The following TIPARP variants were observed in gnomAD, a reference collection of about 807,000 sequenced individuals.
TIPARP encodes protein mono-ADP-ribosyltransferase TIPARP.
Under a neutral mutation model 56.5 loss-of-function variants are expected in TIPARP, and 12 were observed. The ratio of observed to expected loss-of-function variants is 0.21; its 90% CI spans 0.14 to 0.34. The LOEUF is 0.34. TIPARP is among the 10% of genes least tolerant of loss of function. The probability of loss-of-function intolerance (pLI) is 1.00; values close to 1 mark genes in which losing one functional copy is unlikely to be tolerated. For missense variants in TIPARP, 604 were observed against 781.6 expected, an observed-to-expected ratio of 0.77 and a Z score of 2.71; for synonymous variants, 296 against 265.7, an observed-to-expected ratio of 1.11 and a Z score of -1.11.
chr3:156,698,060 T>G (rs1448175339), intron 4 of TIPARP, among the ~76,000 whole-genome samples: 4 of 152,202 alleles, frequency 2.6e-5, no homozygotes, highest in African/African-American at 9.7e-5. Context: ...GTGATCTGGA[T>G]AAAAGATCAA....
Position 156,678,135 on chromosome 3 carries a change from C to G in TIPARP, c.438C>G (p.Thr146=), listed in dbSNP as rs377564237. The G allele has an allele frequency of 6.2e-6, 10 of 1,613,884 alleles. No homozygotes were observed. Among genetic ancestry groups the G allele is most frequent in the Non-Finnish European group, 8.5e-6 (10 of 1,180,022 alleles). The change falls in exon 2 of 6, where the codon ACC becomes ACG. Residue 146 remains threonine (T), a synonymous_variant. Coordinates refer to ENST00000295924, the MANE Select transcript of TIPARP (RefSeq NM_015508.5). ...PIQDHSFPSE[T]LSGTVADSTP... ...AAGATCACAGCTTTCCATCAGAAAC[C>G]CTCAGTGGGACGGTGGCAGATTCCA...
chr3:156,677,644 C>A lies in TIPARP; in HGVS notation c.-41-13C>A. 1 of 1,479,456 alleles carries A rather than the reference C, an allele frequency of 6.8e-7. No homozygotes were observed. Among genetic ancestry groups the A allele is most frequent in the East Asian group, 2.3e-5 (1 of 43,748 alleles). The allele number at this position is 1,479,456 out of a possible 1,614,324, so 91.6% of individuals were successfully genotyped here. On this transcript the variant is annotated splice_polypyrimidine_tract_variant and intron_variant, in intron 1 of 5. Transcript: ENST00000295924. ...CAGTTTGTAAATGATCATCTTCCTT[C>A]CTTTCCTCGTAGGATTTTTAGACTC... is the stretch of plus-strand genomic sequence containing the variant.
chr3:156,694,161 C>A lies in TIPARP; in HGVS notation c.1059C>A (p.Asp353Glu). Residue 353 changes from aspartate to glutamate, a missense_variant, in exon 3 of 6, where the codon GAC becomes GAA. Physicochemically the swap from Asp to Glu is conservative, Grantham distance 45. Around this residue, in one of 4 missense-constraint regions of TIPARP, gnomAD observed 252 missense variants for 303.9 expected, o/e 0.83. Coordinates refer to ENST00000295924, the MANE Select transcript of TIPARP (RefSeq NM_015508.5). Reference sequence around the variant, plus strand: ...CAGTCTGGAAATTCTTCTGTAGGGACCACTTTGGATGGAGAGAGTATCCCG... The same window carrying A: ...CAGTCTGGAAATTCTTCTGTAGGGAACACTTTGGATGGAGAGAGTATCCCG... ...YHTVWKFFCR[D>E]HFGWREYPES... 1 of 1,609,134 alleles carries A rather than the reference C, an allele frequency of 6.2e-7. No individual in the cohort carries two copies. Among genetic ancestry groups the A allele is most frequent in the Non-Finnish European group, 8.5e-7 (1 of 1,178,300 alleles).
chr3:156,691,449 T>C (rs1722572181), intron 2 of TIPARP, among the ~76,000 whole-genome samples: 4 of 152,178 alleles, frequency 2.6e-5, no homozygotes, highest in Admixed American at 2.6e-4. Context: ...TTGTTAGTTA[T>C]TCCTTTCTTA....
At chr3:156,680,984 A>G (rs913926714) in intron 2 of TIPARP, among the ~76,000 whole-genome samples, 25 of 152,224 alleles carry the variant, frequency 1.6e-4, no homozygotes, top group Admixed American at 1.4e-3. Context: ...AGTAAAGTGA[A>G]GTTCTCTGAA....
chr3:156,697,656 C>T (rs975261166), intron 4 of TIPARP, among the ~76,000 whole-genome samples: 4 of 152,100 alleles, frequency 2.6e-5, no homozygotes, highest in South Asian at 4.1e-4. Flanking sequence ...CAACAGCATG[C>T]GCTCATTTTG....
In TIPARP at chr3:156,695,862, TAGTCTGTCA is replaced by T; in HGVS notation, c.1087-2_1093del. The T allele has an allele frequency of 8.8e-7, 1 of 1,142,208 alleles. No individual in the cohort carries two copies. The highest frequency in any genetic ancestry group is 3.4e-5 in the East Asian group (1 of 29,796). 70.8% of individuals were successfully genotyped at this position (1,142,208 alleles called of 1,614,324 possible). ...TTTTTTTGTTCTGTTTTCTCCTCCA[TAGTCTGTCA>T]TTCGATTGATTGAAGAAGCCAACTC... On this transcript the variant is annotated splice_acceptor_variant and coding_sequence_variant, in exon 4 of 6. Coordinates refer to ENST00000295924, the MANE Select transcript of TIPARP (RefSeq NM_015508.5). LOFTEE classifies it high-confidence loss of function.
intron 2 of TIPARP, among the ~76,000 whole-genome samples, chr3:156,692,802 T>A (rs1722609614): frequency 6.6e-6 from 1 of 152,180 alleles, no homozygotes; most frequent in Non-Finnish European, 1.5e-5. Context: ...GAAACAAGTA[T>A]TCTAAGAGCA....
At chr3:156,694,666 T>C (rs544174721) in intron 3 of TIPARP, among the ~76,000 whole-genome samples, 1 of 152,354 alleles carries the variant, frequency 6.6e-6, no homozygotes, top group Non-Finnish European at 1.5e-5. Flanking sequence ...AAATCAGTTA[T>C]TTACAATTTT....
At chr3:156,694,933 G>GA (rs1240145103) in intron 3 of TIPARP, among the ~76,000 whole-genome samples, 6 of 152,062 alleles carry the variant, frequency 3.9e-5, no homozygotes, top group Non-Finnish European at 8.8e-5. Flanking sequence ...AATAGCAAAA[G>GA]AAAAAAACCT....
At chr3:156,697,459 A>C (rs147421937) in intron 4 of TIPARP, among the ~76,000 whole-genome samples, 1 of 135,182 alleles carries the variant, frequency 7.4e-6, no homozygotes, top group Admixed American at 7.9e-5. Context: ...CTTGTTTTGT[A>C]AAAGTATGAA....
chr3:156,696,111 G>T, intron 4 of TIPARP, 86 bp downstream of exon 4: 1 of 1,454,876 alleles, frequency 6.9e-7, no homozygotes, highest in Non-Finnish European at 9.2e-7. Context: ...ATAAATAAGA[G>T]TCTACCTTGG....
chr3:156,678,615 G>T lies in TIPARP; in HGVS notation c.917+1G>T. 1.2e-6 allele frequency: 2 copies of T among 1,609,192 alleles called. No individual in the cohort carries two copies. The highest frequency in any genetic ancestry group is 1.7e-6 in the Non-Finnish European group (2 of 1,177,620). On this transcript the variant is annotated splice_donor_variant, in intron 2 of 5. Transcript: ENST00000295924. LOFTEE classifies it high-confidence loss of function. ...ATGATAGAATGAGAATGAAGTATGGGTATGTATTTATAACAACTTGTAGAA... is the reference window on the plus strand; with the variant it reads ...ATGATAGAATGAGAATGAAGTATGGTTATGTATTTATAACAACTTGTAGAA...
chr3:156,702,074 TGTG>T (rs1260076842), intron 4 of TIPARP, among the ~76,000 whole-genome samples: 10 of 62,606 alleles, frequency 1.6e-4, no homozygotes, highest in African/African-American at 3.6e-4. Context: ...TGGTGGTGGT[TGTG>T]GTGGTGGTGG....
At chr3:156,703,818 C>T (rs1722910769) in intron 5 of TIPARP, 116 bp downstream of exon 5, 2 of 1,100,062 alleles carry the variant, frequency 1.8e-6, no homozygotes, top group East Asian at 2.7e-5. Context: ...TCGAGACCAT[C>T]CTAGCTAACA....
chr3:156,691,500 G>A (rs142877664), intron 2 of TIPARP, among the ~76,000 whole-genome samples: 1,671 of 152,162 alleles, frequency 0.011, 37 homozygotes, highest in African/African-American at 0.038. Flanking sequence ...TTAATTCTTC[G>A]TGTATTGCCC....
chr3:156,692,478 A>G (rs1408864304), intron 2 of TIPARP, among the ~76,000 whole-genome samples: 1 of 152,108 alleles, frequency 6.6e-6, no homozygotes, highest in African/African-American at 2.4e-5. Flanking sequence ...ACTACATTAT[A>G]TTATCTTATT....
Position 156,678,621 on chromosome 3 carries a change from ATTT to A in TIPARP, c.917+8_917+10del. The A allele has an allele frequency of 6.2e-7, 1 of 1,603,928 alleles. No individual in the cohort carries two copies. Among genetic ancestry groups the A allele is most frequent in the Non-Finnish European group, 8.5e-7 (1 of 1,174,568 alleles). On this transcript the variant is annotated splice_region_variant and intron_variant, in intron 2 of 5. Coordinates refer to ENST00000295924, the MANE Select transcript of TIPARP (RefSeq NM_015508.5). ...GAATGAGAATGAAGTATGGGTATGT[ATTT>A]ATAACAACTTGTAGAACTGTTGTTA...
rs139484716 is a variant in TIPARP, at chr3:156,676,198, T to C, written c.-42+1402T>C. On this transcript the variant is annotated intron_variant, in intron 1 of 5. Coordinates refer to ENST00000295924, the MANE Select transcript of TIPARP (RefSeq NM_015508.5). ...GAATAATAACGCCTGGCTTGGCTCCTTTCCAGTTGATTTATGTCTCATGTC... is the reference window on the plus strand; with the variant it reads ...GAATAATAACGCCTGGCTTGGCTCCCTTCCAGTTGATTTATGTCTCATGTC... Among the ~76,000 whole-genome samples, 100 of 152,330 alleles carry C rather than the reference T, an allele frequency of 6.6e-4. 1 individual carries two copies. Among genetic ancestry groups the C allele is most frequent in the African/African-American group, 2.0e-3 (85 of 41,584 alleles).
Sources: gnomAD v4.1 joint callset for allele counts (sites outside exome capture counted in the v4.1 genomes callset) on GRCh38, gnomAD v4.1.1 for gene constraint, gnomAD v4.1.1 regional missense constraint, MANE v1.5 for transcripts, NCBI Gene and HGNC (gene_info 2026-07-23, HGNC 2026-07-21) for gene names.